The following SLC11A2 variants were observed in gnomAD, a reference collection of about 807,000 sequenced individuals.
SLC11A2 encodes the protein natural resistance-associated macrophage protein 2.
Under a neutral mutation model 68.0 loss-of-function variants are expected in SLC11A2, and 38 were observed. The observed-to-expected ratio is 0.56, with a 90% CI of 0.43 to 0.73. SLC11A2 has a LOEUF of 0.73. SLC11A2 is among the 30% of genes least tolerant of loss of function. SLC11A2 has a pLI of 0.00. For synonymous variants in SLC11A2, 242 were observed against 250.6 expected (o/e 0.97, Z 0.32); for missense variants, 517 against 690.5 (o/e 0.75, Z 2.82).
chr12:50,968,089 T>C, the SLC11A2 span, among the ~76,000 whole-genome samples: 1 of 140,348 alleles, frequency 7.1e-6, no homozygotes, highest in African/African-American at 2.9e-5. Flanking sequence ...TTGTCTCAAA[T>C]AATAAGAAGA....
chr12:50,963,201 C>A, the SLC11A2 span, among the ~76,000 whole-genome samples: 8 of 151,634 alleles, frequency 5.3e-5, no homozygotes, highest in Non-Finnish European at 1.2e-4. Flanking sequence ...GAAACCCCAT[C>A]TCTACTTAAA....
intron 1 of SLC11A2, among the ~76,000 whole-genome samples, chr12:51,013,685 G>A (rs1346424161): frequency 6.6e-6 from 1 of 151,776 alleles, no homozygotes; most frequent in Admixed American, 6.6e-5. Context: ...GCTGCGGTGA[G>A]CCATGATCGC....
At chr12:51,000,107 T>C (rs960127088) in intron 6 of SLC11A2, among the ~76,000 whole-genome samples, 2 of 152,060 alleles carry the variant, frequency 1.3e-5, no homozygotes, top group African/African-American at 4.8e-5. Context: ...CACATTCTAA[T>C]AAAGGTAAGC....
chr12:50,959,761 C>T, the SLC11A2 span, among the ~76,000 whole-genome samples: 1 of 152,156 alleles, frequency 6.6e-6, no homozygotes, highest in Non-Finnish European at 1.5e-5. Flanking sequence ...GATTCCCCTG[C>T]CTCAGCCTCC....
chr12:51,004,707 A>G, intron 5 of SLC11A2, 81 bp downstream of exon 5: 3 of 1,529,180 alleles, frequency 2.0e-6, no homozygotes, highest in South Asian at 1.1e-5. Context: ...GTCTCACTAT[A>G]GAATGAGGCC....
chr12:50,987,018 C>G lies in SLC11A2; in HGVS notation c.*1307G>C. The G allele has an allele frequency of 7.8e-7, 1 of 1,285,582 alleles. No homozygotes were observed. 79.6% of individuals were successfully genotyped at this position (1,285,582 alleles called of 1,614,324 possible). On this transcript the variant is annotated 3_prime_UTR_variant, in exon 16 of 16. Transcript: ENST00000262052. ...CTATAAAACAGTTTTGATTATTTAT[C>G]TCCATCAAAGTGATTTGATTTGAGA...
At chr12:50,960,184 TC>T in the SLC11A2 span, among the ~76,000 whole-genome samples, 2 of 152,358 alleles carry the variant, frequency 1.3e-5, no homozygotes, top group South Asian at 4.1e-4. Flanking sequence ...GAGTTATGCT[TC>T]TTGTGCATAT....
downstream of SLC11A2, chr12:50,981,657 G>T: frequency 9.8e-7 from 1 of 1,019,068 alleles, no homozygotes. Context: ...TAACAGAGAC[G>T]TTAACGGGAC....
the SLC11A2 span, among the ~76,000 whole-genome samples, chr12:50,958,514 C>G: frequency 6.6e-6 from 1 of 151,428 alleles, no homozygotes; most frequent in African/African-American, 2.4e-5. Flanking sequence ...ATCTCCTGAC[C>G]TCGTGATCCG....
intron 4 of SLC11A2, among the ~76,000 whole-genome samples, 199 bp downstream of exon 4, chr12:51,005,112 A>G (rs1942607907): frequency 6.6e-6 from 1 of 152,204 alleles, no homozygotes; most frequent in Admixed American, 6.5e-5. Flanking sequence ...AGTTTCTCCT[A>G]TATGTAGTTT....
chr12:51,009,026 C>G, intron 2 of SLC11A2: 1 of 789,794 alleles, frequency 1.3e-6, no homozygotes, highest in East Asian at 2.7e-5. Flanking sequence ...AGACCAGCTC[C>G]TGGTAACCTA....
chr12:50,993,118 T>C, intron 11 of SLC11A2, 189 bp from the exon 12 acceptor site: 2 of 638,844 alleles, frequency 3.1e-6, no homozygotes, highest in Non-Finnish European at 5.6e-6. Flanking sequence ...AGTCTAAACT[T>C]TACTGGATGC....
chr12:50,967,781 C>T, the SLC11A2 span, among the ~76,000 whole-genome samples: 7 of 152,062 alleles, frequency 4.6e-5, no homozygotes, highest in African/African-American at 1.4e-4. Context: ...CTGTATCAGT[C>T]AAGATTCAGA....
chr12:50,994,285 G>A (rs1941489598), intron 11 of SLC11A2, among the ~76,000 whole-genome samples: 1 of 152,132 alleles, frequency 6.6e-6, no homozygotes, highest in Non-Finnish European at 1.5e-5. Flanking sequence ...GAGCTCAAGT[G>A]ATCCACCCGC....
chr12:51,017,795 T>A (rs573123260), intron 1 of SLC11A2, among the ~76,000 whole-genome samples: 50 of 152,244 alleles, frequency 3.3e-4, no homozygotes, highest in African/African-American at 1.1e-3. Flanking sequence ...GCCACCTAAA[T>A]GCAAAATATT....
chr12:50,967,838 G>T, the SLC11A2 span, among the ~76,000 whole-genome samples: 4 of 152,150 alleles, frequency 2.6e-5, no homozygotes, highest in Admixed American at 2.6e-4. Flanking sequence ...TTTAGGCTGG[G>T]TGTATTGGGA....
chr12:50,995,041 G>A, intron 10 of SLC11A2: 1 of 274,558 alleles, frequency 3.6e-6, no homozygotes, highest in Non-Finnish European at 7.0e-6. Flanking sequence ...CCAGGCACAG[G>A]AGCTCACGCC....
intron 5 of SLC11A2, among the ~76,000 whole-genome samples, chr12:51,001,585 C>CAAAAA (rs57569917): frequency 1.8e-5 from 2 of 109,174 alleles, no homozygotes; most frequent in Admixed American, 8.9e-5. Flanking sequence ...CTTGCTTTCA[C>CAAAAA]AAAAAAAAAA....
chr12:50,987,150 C>A lies in SLC11A2; in HGVS notation c.*1175G>T, dbSNP rs958790909. The A allele has an allele frequency of 7.8e-7, 1 of 1,282,988 alleles. No homozygotes were observed. The highest frequency in any genetic ancestry group is 1.5e-5 in the African/African-American group (1 of 65,672). 79.5% of individuals were successfully genotyped at this position (1,282,988 alleles called of 1,614,324 possible). On this transcript the variant is annotated 3_prime_UTR_variant, in exon 16 of 16. Coordinates refer to ENST00000262052, the MANE Select transcript of SLC11A2 (RefSeq NM_000617.3). ...CATTTCCTCTGACTCCAGAGCTCCA[C>A]CATCTGGTCTCAAGATTTTTCCCTC...
Sources: allele counts gnomAD v4.1 joint callset (sites outside exome capture counted in the v4.1 genomes callset), GRCh38; gene constraint gnomAD v4.1.1; transcripts MANE v1.5; gene names NCBI Gene and HGNC (gene_info 2026-07-23, HGNC 2026-07-21).